The following PKNOX2 variants were observed in gnomAD, a reference collection of about 807,000 sequenced individuals.
PKNOX2 encodes the protein homeobox protein PKNOX2.
In PKNOX2, 14 loss-of-function variants were observed where a neutral mutation model predicts 53.1. That is an observed-to-expected ratio of 0.26 (90% confidence interval 0.17 to 0.41). The LOEUF (loss-of-function observed/expected upper bound fraction) is 0.41. Ranked by LOEUF, PKNOX2 falls within the 10% of genes least tolerant of loss-of-function variation. PKNOX2 has a pLI of 1.00. For synonymous variants in PKNOX2, 257 were observed against 242.8 expected (o/e 1.06, Z -0.54); for missense variants, 496 against 602.8 (o/e 0.82, Z 1.85).
chr11:125,355,926 T>C (rs1278314958), intron 4 of PKNOX2, among the ~76,000 whole-genome samples: 1 of 152,060 alleles, frequency 6.6e-6, no homozygotes, highest in Admixed American at 6.5e-5. Flanking sequence ...TTCTCACTTC[T>C]ATAGCTCCAT....
intron 4 of PKNOX2, among the ~76,000 whole-genome samples, chr11:125,364,008 A>C (rs1239267396): frequency 6.6e-6 from 1 of 152,230 alleles, no homozygotes; most frequent in Non-Finnish European, 1.5e-5. Context: ...ACAGGCCAGA[A>C]CAAGGCAGTT....
chr11:125,418,190 A>G lies in PKNOX2; in HGVS notation c.936+6325A>G, dbSNP rs565494335. 5.3e-5 allele frequency among the ~76,000 whole-genome samples: 8 copies of G among 152,014 alleles called. No homozygotes were observed. In the East Asian group the frequency reaches 1.3e-3, roughly 26 times the overall value. Reference sequence around the variant, plus strand: ...AACCATGAATTCACTTTCTGCCTCTATGGGTTTGCCTATTCTGGACATTTC... The same window carrying G: ...AACCATGAATTCACTTTCTGCCTCTGTGGGTTTGCCTATTCTGGACATTTC... On this transcript the variant is annotated intron_variant, in intron 10 of 12. Coordinates refer to ENST00000298282, the MANE Select transcript of PKNOX2 (RefSeq NM_001382323.2).
At chr11:125,213,725 T>C (rs940441722) in intron 1 of PKNOX2, among the ~76,000 whole-genome samples, 2 of 152,134 alleles carry the variant, frequency 1.3e-5, no homozygotes, top group Non-Finnish European at 2.9e-5. Flanking sequence ...CCCAAAGTGC[T>C]GGGATTACAG....
intron 5 of PKNOX2, among the ~76,000 whole-genome samples, chr11:125,371,836 T>C (rs909570137): frequency 2.6e-5 from 4 of 152,146 alleles, no homozygotes; most frequent in Non-Finnish European, 5.9e-5. Context: ...GTGCTTTGCC[T>C]TTCCATTAAG....
intron 2 of PKNOX2, among the ~76,000 whole-genome samples, chr11:125,324,016 T>C (rs906096983): frequency 1.3e-5 from 2 of 152,188 alleles, no homozygotes; most frequent in Non-Finnish European, 2.9e-5. Context: ...TAAAGCAATA[T>C]TATCAGAGCC....
chr11:125,209,469 G>C (rs1468548250), intron 1 of PKNOX2, among the ~76,000 whole-genome samples: 1 of 152,000 alleles, frequency 6.6e-6, no homozygotes, highest in African/African-American at 2.4e-5. Context: ...ACCAGGTGGG[G>C]TCAGCTTGGG....
In PKNOX2 at chr11:125,406,599, T is replaced by C. The variant is rs192461996; in HGVS notation, c.589-3597T>C. On this transcript the variant is annotated intron_variant, in intron 7 of 12. Transcript: ENST00000298282. ...GGCACTGTGCTTGCATTGGAGCCTG[T>C]CTGACCCCGAAGCACATATCCTCTC... Among the ~76,000 whole-genome samples the C allele has an allele frequency of 1.1e-3, 172 of 152,258 alleles. 1 individual carries two copies. Among genetic ancestry groups the C allele is most frequent in the African/African-American group, 3.3e-3 (136 of 41,544 alleles).
At chr11:125,299,143 G>T (rs1591518043) in intron 2 of PKNOX2, among the ~76,000 whole-genome samples, 1 of 152,184 alleles carries the variant, frequency 6.6e-6, no homozygotes, top group Non-Finnish European at 1.5e-5. Flanking sequence ...AGATCAGGGA[G>T]GTGCCACACA....
chr11:125,211,900 GAC>G (rs574406746), intron 1 of PKNOX2, among the ~76,000 whole-genome samples: 126 of 152,232 alleles, frequency 8.3e-4, no homozygotes, highest in African/African-American at 2.9e-3. Flanking sequence ...CCTACTTGGA[GAC>G]ACACTACATG....
intron 5 of PKNOX2, among the ~76,000 whole-genome samples, chr11:125,372,987 G>A (rs1952636398): frequency 6.6e-6 from 1 of 152,238 alleles, no homozygotes; most frequent in African/African-American, 2.4e-5. Flanking sequence ...GTTGTGTGGG[G>A]AGGAACAGAG....
intron 10 of PKNOX2, among the ~76,000 whole-genome samples, chr11:125,412,071 T>A (rs1955591235): frequency 6.6e-6 from 1 of 152,188 alleles, no homozygotes; most frequent in Non-Finnish European, 1.5e-5. Flanking sequence ...CAGTACCTGC[T>A]GCTGTTGCTA....
chr11:125,310,578 G>C (rs904203170), intron 2 of PKNOX2, among the ~76,000 whole-genome samples: 1 of 152,020 alleles, frequency 6.6e-6, no homozygotes, highest in African/African-American at 2.4e-5. Context: ...CAAACTTACT[G>C]TTACATAGCT....
At chr11:125,309,544 G>A (rs572701600) in intron 2 of PKNOX2, among the ~76,000 whole-genome samples, 13 of 152,010 alleles carry the variant, frequency 8.6e-5, no homozygotes, top group East Asian at 1.9e-4. Flanking sequence ...CGGCCACCAC[G>A]CCCGGGTAAT....
At chr11:125,342,600 C>T (rs1950752374) in intron 3 of PKNOX2, among the ~76,000 whole-genome samples, 3 of 152,134 alleles carry the variant, frequency 2.0e-5, no homozygotes, top group Admixed American at 6.5e-5. Context: ...CTCAGGGGCC[C>T]GGCCTGTGTT....
rs759712206 is a variant in PKNOX2, at chr11:125,370,568, G to A, written c.227+2583G>A. On this transcript the variant is annotated intron_variant, in intron 5 of 12. Coordinates refer to ENST00000298282, the MANE Select transcript of PKNOX2 (RefSeq NM_001382323.2). This position sits in a 1 kb window ranked among gnomAD's most constrained non-coding sequence, Gnocchi z 4.1. ...CTGGAAGAGGGAATCCCAGGCAAACGCGGCTGCCCCAGCACCTCAGGACAC... is the reference window on the plus strand; with the variant it reads ...CTGGAAGAGGGAATCCCAGGCAAACACGGCTGCCCCAGCACCTCAGGACAC... Among the ~76,000 whole-genome samples, 11 of 152,194 alleles carry A rather than the reference G, an allele frequency of 7.2e-5. No individual in the cohort carries two copies. The highest frequency in any genetic ancestry group is 1.2e-4 in the Non-Finnish European group (8 of 68,034).
At chr11:125,262,292 C>T (rs1436189258) in intron 2 of PKNOX2, among the ~76,000 whole-genome samples, 3 of 151,972 alleles carry the variant, frequency 2.0e-5, no homozygotes, top group South Asian at 2.1e-4. Context: ...GAGGTGGGGA[C>T]GAAGGTCAGA....
chr11:125,189,847 TAAC>T (rs1210309541), intron 1 of PKNOX2: 1 of 152,090 alleles, frequency 6.6e-6, no homozygotes, highest in African/African-American at 2.4e-5. Context: ...GTCTATATAA[TAAC>T]TATACATCCC....
In PKNOX2 at chr11:125,329,514, C is replaced by T. The variant is rs114675753; in HGVS notation, c.-129-2305C>T. On this transcript the variant is annotated intron_variant, in intron 2 of 12. Transcript: ENST00000298282. ...ATACAGATTTAAGATAGGACTTCTG[C>T]CCATGAGAAGCTTATAGTTTGGAAG... 2.7e-3 allele frequency among the ~76,000 whole-genome samples: 408 copies of T among 152,274 alleles called. 5 individuals are homozygous for T. Among genetic ancestry groups the T allele is most frequent in the African/African-American group, 9.5e-3 (396 of 41,538 alleles).
intron 1 of PKNOX2, among the ~76,000 whole-genome samples, chr11:125,193,234 A>G (rs1956985877): frequency 6.6e-6 from 1 of 152,088 alleles, no homozygotes; most frequent in African/African-American, 2.4e-5. Flanking sequence ...CCCCCAGCAA[A>G]CTCATGCTGT....
Sources: gnomAD v4.1 joint callset for allele counts (sites outside exome capture counted in the v4.1 genomes callset) on GRCh38, gnomAD v4.1.1 for gene constraint, Gnocchi (gnomAD v3.1) non-coding constraint, MANE v1.5 for transcripts, NCBI Gene and HGNC (gene_info 2026-07-23, HGNC 2026-07-21) for gene names.